ASTN2: variants seen among roughly 807,000 people sequenced by gnomAD.
The protein encoded by ASTN2 is astrotactin 2.
ASTN2 carries 54 observed loss-of-function variants against 139.8 expected under a neutral mutation model. That is an observed-to-expected ratio of 0.39 (90% CI 0.31 to 0.48). The LOEUF is 0.48. Ranked by LOEUF, ASTN2 falls within the 20% of genes least tolerant of loss-of-function variation. The pLI, the probability that ASTN2 is intolerant of heterozygous loss-of-function variation, is 0.95. For synonymous variants in ASTN2, 756 were observed against 719.5 expected, an observed-to-expected ratio of 1.05 and a Z score of -0.81; for missense variants, 1,565 against 1,725.1, an observed-to-expected ratio of 0.91 and a Z score of 1.64.
At chr9:117,341,150 A>T (rs1829051291) in intron 1 of ASTN2, among the ~76,000 whole-genome samples, 1 of 152,252 alleles carries the variant, frequency 6.6e-6, no homozygotes, top group Admixed American at 6.5e-5. Flanking sequence ...ATCTCATGTC[A>T]TGCTCTGAAG....
intron 6 of ASTN2, among the ~76,000 whole-genome samples, chr9:117,010,253 T>G (rs1020923842): frequency 6.6e-6 from 1 of 152,112 alleles, no homozygotes; most frequent in African/African-American, 2.4e-5. Context: ...AAAGCCATAT[T>G]TCCCCCCTGG....
rs556867896 is a variant in ASTN2 at position 117,149,832 on chromosome 9, T to C, written c.1016-8354A>G. On this transcript the variant is annotated intron_variant, in intron 3 of 22. Coordinates refer to ENST00000313400, the MANE Select transcript of ASTN2 (RefSeq NM_001365068.1). ...TAAAAAATGGCTCCCTCTTTCCAAC[T>C]CTCAGGGGTAAAAATTGATGGATTG... Among the ~76,000 whole-genome samples the C allele has an allele frequency of 7.2e-4, 110 of 152,288 alleles. 1 individual carries two copies. Among genetic ancestry groups the C allele is most frequent in the Non-Finnish European group, 1.3e-3 (89 of 68,028 alleles).
chr9:116,762,462 C>T (rs754377082), intron 13 of ASTN2, among the ~76,000 whole-genome samples: 2 of 152,176 alleles, frequency 1.3e-5, no homozygotes, highest in Non-Finnish European at 2.9e-5. Context: ...GATGTGGACT[C>T]TTATCTATTG....
At chr9:117,231,987 G>A (rs1449294340) in intron 2 of ASTN2, among the ~76,000 whole-genome samples, 2 of 152,168 alleles carry the variant, frequency 1.3e-5, no homozygotes, top group East Asian at 3.9e-4. Context: ...ACTCGGGGAA[G>A]CAGCCCAGAA....
intron 1 of ASTN2, among the ~76,000 whole-genome samples, chr9:117,320,246 C>G (rs1828286299): frequency 6.6e-6 from 1 of 151,966 alleles, no homozygotes. Context: ...AAACACATAA[C>G]TGAAATAAAA....
intron 10 of ASTN2, among the ~76,000 whole-genome samples, chr9:116,974,481 T>C (rs1215715201): frequency 6.6e-6 from 1 of 150,800 alleles, no homozygotes; most frequent in Non-Finnish European, 1.5e-5. Flanking sequence ...GTTTTATAAG[T>C]TAAGAACAAA....
chr9:117,277,289 A>G (rs950702647), intron 2 of ASTN2: 2 of 152,228 alleles, frequency 1.3e-5, no homozygotes, highest in East Asian at 3.9e-4. Context: ...TGTTCAGATC[A>G]GGCATACATA....
At chr9:117,153,427 A>T (rs1314192283) in intron 3 of ASTN2, among the ~76,000 whole-genome samples, 1 of 152,172 alleles carries the variant, frequency 6.6e-6, no homozygotes, top group East Asian at 1.9e-4. Context: ...ATTTCAGGAC[A>T]CTAAGATTCT....
intron 19 of ASTN2, among the ~76,000 whole-genome samples, chr9:116,502,005 G>C (rs1163733212): frequency 6.6e-6 from 1 of 152,026 alleles, no homozygotes; most frequent in African/African-American, 2.4e-5. Flanking sequence ...CAAGCCTCCA[G>C]AAGGGTGGGG....
At chr9:117,146,095 G>A (rs1564448754) in intron 3 of ASTN2, among the ~76,000 whole-genome samples, 1 of 152,004 alleles carries the variant, frequency 6.6e-6, no homozygotes, top group Non-Finnish European at 1.5e-5. Context: ...ACCTCTCCAT[G>A]GCCAATTTCA....
chr9:117,246,469 G>A (rs1833386083), intron 2 of ASTN2, among the ~76,000 whole-genome samples: 1 of 152,144 alleles, frequency 6.6e-6, no homozygotes, highest in Admixed American at 6.5e-5. Context: ...TCTGTACAAT[G>A]GAATGAAAAT....
chr9:116,999,547 T>C (rs1394177196), intron 7 of ASTN2, among the ~76,000 whole-genome samples: 1 of 98,618 alleles, frequency 1.0e-5, no homozygotes, highest in Non-Finnish European at 2.0e-5. Flanking sequence ...TTTCTCTCTT[T>C]CTTTTTTTTT....
intron 11 of ASTN2, among the ~76,000 whole-genome samples, chr9:116,833,010 C>CATGGA (rs1325105547): frequency 7.7e-6 from 1 of 130,534 alleles, no homozygotes; most frequent in African/African-American, 3.1e-5. Flanking sequence ...GTATATTTCT[C>CATGGA]CAGTGAAACT....
chr9:117,164,953 A>G (rs1382769695), intron 3 of ASTN2, among the ~76,000 whole-genome samples: 2 of 152,084 alleles, frequency 1.3e-5, no homozygotes, highest in Non-Finnish European at 2.9e-5. Context: ...TATTATGGCC[A>G]TTTTACAGTT....
At chr9:117,347,784 C>A (rs1340095462) in intron 1 of ASTN2, among the ~76,000 whole-genome samples, 2 of 152,122 alleles carry the variant, frequency 1.3e-5, no homozygotes, top group African/African-American at 4.8e-5. Context: ...AACAAAAAGA[C>A]ACATCTGACC....
At chr9:117,392,547 A>T (rs1830570516) in intron 1 of ASTN2, among the ~76,000 whole-genome samples, 1 of 152,138 alleles carries the variant, frequency 6.6e-6, no homozygotes, top group South Asian at 2.1e-4. Context: ...GGATTACTAA[A>T]CTCTTACAAC....
intron 10 of ASTN2, among the ~76,000 whole-genome samples, chr9:116,962,012 C>T (rs899846705): frequency 8.5e-5 from 13 of 152,188 alleles, no homozygotes; most frequent in African/African-American, 3.1e-4. Context: ...TTAACTTGTC[C>T]ACTGTTACCC....
rs71379245 is a variant in ASTN2, at chr9:116,956,094, C to CTTTTTTTTTTT, written c.1889+19103_1889+19113dup. 1.9e-4 allele frequency among the ~76,000 whole-genome samples: 23 copies of CTTTTTTTTTTT among 119,134 alleles called. 1 individual carries two copies. Among genetic ancestry groups the CTTTTTTTTTTT allele is most frequent in the South Asian group, 2.8e-4 (1 of 3,628 alleles). 78.2% of individuals were successfully genotyped at this position (119,134 alleles called of 152,430 possible). A position where few individuals can be genotyped will look rare whatever the true frequency, so the allele number is the denominator to read the frequency against. On this transcript the variant is annotated intron_variant, in intron 10 of 22. Transcript: ENST00000313400. ...CAGAACTCTTTTTTCTTTTTCTTTT[C>CTTTTTTTTTTT]TTTTTTTTTTTTTTTTTTGAGATGG...
chr9:117,407,948 ACT>A (rs1831044960), intron 1 of ASTN2, among the ~76,000 whole-genome samples: 1 of 151,476 alleles, frequency 6.6e-6, no homozygotes, highest in Non-Finnish European at 1.5e-5. Flanking sequence ...GTTAAACCCG[ACT>A]CTTTTTTTCC....
Sources: gnomAD v4.1 joint callset for allele counts (sites outside exome capture counted in the v4.1 genomes callset) on GRCh38, gnomAD v4.1.1 for gene constraint, MANE v1.5 for transcripts, NCBI Gene and HGNC (gene_info 2026-07-23, HGNC 2026-07-21) for gene names.